Variants in SCML4 observed in about 807,000 individuals in gnomAD.
SCML4 encodes sex comb on midleg-like protein 4.
A neutral mutation model predicts 41.1 loss-of-function variants in SCML4; 34 were observed. That is an observed-to-expected ratio of 0.83 (90% CI 0.63 to 1.10). SCML4 has a LOEUF of 1.10. Ranked by LOEUF, SCML4 falls within the 50% of genes least tolerant of loss-of-function variation. The probability of loss-of-function intolerance (pLI) is 0.00; values close to 1 mark genes in which losing one functional copy is unlikely to be tolerated. For synonymous variants in SCML4, 214 were observed against 220.9 expected (o/e 0.97, Z 0.28); for missense variants, 522 against 534.1 (o/e 0.98, Z 0.22).
At chr6:107,722,439 G>T (rs1775524012) in intron 5 of SCML4, among the ~76,000 whole-genome samples, 3 of 152,034 alleles carry the variant, frequency 2.0e-5, no homozygotes, top group Admixed American at 2.0e-4. Flanking sequence ...CTCCCACCAG[G>T]ACAAGATCAT....
At chr6:107,735,798 CAAA>C (rs10714127) in intron 5 of SCML4, among the ~76,000 whole-genome samples, 157 of 137,936 alleles carry the variant, frequency 1.1e-3, no homozygotes, top group African/African-American at 3.1e-3. Flanking sequence ...GACCTTGTCT[CAAA>C]AAAAAAAAAA....
intron 2 of SCML4, among the ~76,000 whole-genome samples, chr6:107,770,630 GATTTCTTCCTGAC>G (rs1780439351): frequency 6.6e-6 from 1 of 152,218 alleles, no homozygotes; most frequent in Non-Finnish European, 1.5e-5. Flanking sequence ...CCAACCCAAA[GATTTCTTCCTGAC>G]CTGAGTTGTC....
At chr6:107,784,912 T>C (rs1562256064) in intron 1 of SCML4, among the ~76,000 whole-genome samples, 1 of 150,776 alleles carries the variant, frequency 6.6e-6, no homozygotes, top group Non-Finnish European at 1.5e-5. Context: ...ACCATTTCAG[T>C]GGGTGTTTAT....
At chr6:107,801,161 C>A (rs1438574893) in intron 1 of SCML4, among the ~76,000 whole-genome samples, 1 of 152,182 alleles carries the variant, frequency 6.6e-6, no homozygotes, top group African/African-American at 2.4e-5. Context: ...AGATTCCAGT[C>A]CCTTCTAGTA....
intron 1 of SCML4, among the ~76,000 whole-genome samples, chr6:107,803,145 C>CA (rs201577865): frequency 0.083 from 12,500 of 151,188 alleles, 1,598 homozygotes; most frequent in African/African-American, 0.27. Flanking sequence ...GCCGAGATTG[C>CA]GCCTTTGCCC....
chr6:107,731,492 C>G (rs889393564), intron 5 of SCML4, among the ~76,000 whole-genome samples: 2 of 152,212 alleles, frequency 1.3e-5, no homozygotes, highest in African/African-American at 4.8e-5. Context: ...TCTCTCACCC[C>G]CCACTTCCCG....
intron 1 of SCML4, among the ~76,000 whole-genome samples, chr6:107,819,195 C>G (rs1784771576): frequency 1.9e-5 from 1 of 53,416 alleles, no homozygotes; most frequent in South Asian, 8.3e-4. Context: ...CCTACTGCCT[C>G]TTTGCTCCAT....
At chr6:107,774,749 C>T (rs1483805075) in intron 1 of SCML4, among the ~76,000 whole-genome samples, 6 of 151,962 alleles carry the variant, frequency 3.9e-5, no homozygotes, top group African/African-American at 1.5e-4. Context: ...AGGCTGGGTG[C>T]GGTGGCTCAC....
chr6:107,823,870 A>T (rs545336379), intron 1 of SCML4, among the ~76,000 whole-genome samples: 1 of 152,232 alleles, frequency 6.6e-6, no homozygotes, highest in Non-Finnish European at 1.5e-5. Flanking sequence ...TATAGCCCAA[A>T]TTTATAAACT....
At chr6:107,826,244 C>CA (rs202060012), upstream of SCML4, among the ~76,000 whole-genome samples, 3,187 of 95,810 alleles carry the variant, frequency 0.033, 117 homozygotes, top group African/African-American at 0.11. Context: ...AATTCCATCT[C>CA]AAAAAAAAAG....
chr6:107,702,688 T>C lies in SCML4; in HGVS notation c.*2512A>G, dbSNP rs1361357789. Among the ~76,000 whole-genome samples the C allele has an allele frequency of 6.6e-6, 1 of 152,212 alleles. No homozygotes were observed. Among genetic ancestry groups the C allele is most frequent in the Non-Finnish European group, 1.5e-5 (1 of 68,048 alleles). On this transcript the variant is annotated 3_prime_UTR_variant, in exon 8 of 8. Coordinates refer to ENST00000369020, the MANE Select transcript of SCML4 (RefSeq NM_198081.5). ...TAAACCAGCAGTGAGCACTTACGATTAATAAATTCTTAAGAGACAGGCCCT... is the reference window on the plus strand; with the variant it reads ...TAAACCAGCAGTGAGCACTTACGATCAATAAATTCTTAAGAGACAGGCCCT...
intron 1 of SCML4, among the ~76,000 whole-genome samples, chr6:107,788,671 A>G (rs897556728): frequency 3.3e-5 from 5 of 152,026 alleles, no homozygotes; most frequent in Non-Finnish European, 5.9e-5. Flanking sequence ...ACACCCTGGT[A>G]TTAGGGAGGG....
intron 2 of SCML4, among the ~76,000 whole-genome samples, chr6:107,771,736 T>C (rs1283841338): frequency 6.6e-6 from 1 of 152,222 alleles, no homozygotes; most frequent in Admixed American, 6.5e-5. Context: ...ACTGGCCTGC[T>C]CACATTATTA....
At chr6:107,707,012 G>A (rs78291859) in intron 7 of SCML4, among the ~76,000 whole-genome samples, 1,843 of 152,240 alleles carry the variant, frequency 0.012, 93 homozygotes, top group East Asian at 0.11. Context: ...AGGCAACTAC[G>A]TTGGTGGTAA....
chr6:107,787,919 A>G (rs915555027), intron 1 of SCML4, among the ~76,000 whole-genome samples: 1 of 152,232 alleles, frequency 6.6e-6, no homozygotes, highest in African/African-American at 2.4e-5. Flanking sequence ...TGAAGTATCT[A>G]AAACACTTTG....
chr6:107,805,585 T>C (rs966649399), intron 1 of SCML4, among the ~76,000 whole-genome samples: 1 of 152,206 alleles, frequency 6.6e-6, no homozygotes, highest in Non-Finnish European at 1.5e-5. Context: ...CCCTGGTGTT[T>C]CTGTTACATG....
chr6:107,802,689 C>T (rs1255187062), intron 1 of SCML4, among the ~76,000 whole-genome samples: 395 of 2,126 alleles, frequency 0.19, 30 homozygotes, highest in East Asian at 0.47. Flanking sequence ...CCTCTCCCTC[C>T]CCCTCCTCTC....
chr6:107,738,393 G>A (rs1402976654), intron 5 of SCML4, among the ~76,000 whole-genome samples: 4 of 151,500 alleles, frequency 2.6e-5, no homozygotes, highest in African/African-American at 7.3e-5. Context: ...AGGCCGAAGC[G>A]GGCAGATCAC....
At chr6:107,713,471 T>C (rs1774428045) in intron 6 of SCML4, among the ~76,000 whole-genome samples, 1 of 152,226 alleles carries the variant, frequency 6.6e-6, no homozygotes, top group Admixed American at 6.5e-5. Context: ...GCTGCATCAG[T>C]GTGTCCACAT....
Sources: gnomAD v4.1 joint callset for allele counts (sites outside exome capture counted in the v4.1 genomes callset) on GRCh38, gnomAD v4.1.1 for gene constraint, MANE v1.5 for transcripts, NCBI Gene and HGNC (gene_info 2026-07-23, HGNC 2026-07-21) for gene names.